Variants in CPA6 observed in about 807,000 individuals in gnomAD.
The protein encoded by CPA6 is carboxypeptidase B.
Under a neutral mutation model 63.3 loss-of-function variants are expected in CPA6, and 58 were observed. That is an observed-to-expected ratio of 0.92 (90% CI 0.74 to 1.14). CPA6 has a LOEUF of 1.14. Ranked by LOEUF, CPA6 falls within the 50% of genes most tolerant of loss-of-function variation. The pLI, the probability that CPA6 is intolerant of heterozygous loss-of-function variation, is 0.00. For synonymous variants in CPA6, 185 were observed against 179.0 expected (o/e 1.03, Z -0.27); for missense variants, 565 against 526.6 (o/e 1.07, Z -0.71).
intron 2 of CPA6, among the ~76,000 whole-genome samples, chr8:67,537,161 T>C (rs1812603007): frequency 6.6e-6 from 1 of 152,204 alleles, no homozygotes; most frequent in Admixed American, 6.5e-5. Flanking sequence ...ATTTTCTTTT[T>C]TTGTTGTGAC....
intron 8 of CPA6, among the ~76,000 whole-genome samples, chr8:67,483,110 C>T (rs1417186889): frequency 3.3e-5 from 5 of 152,178 alleles, no homozygotes; most frequent in Admixed American, 6.5e-5. Flanking sequence ...CAGCTCCTAA[C>T]GACTGCATTT....
chr8:67,505,753 T>C (rs972002296), intron 6 of CPA6, among the ~76,000 whole-genome samples: 2 of 152,218 alleles, frequency 1.3e-5, no homozygotes, highest in South Asian at 2.1e-4. Context: ...AGAGATATTT[T>C]GTAAATTTAG....
intron 1 of CPA6, among the ~76,000 whole-genome samples, chr8:67,738,154 CT>C (rs1181628211): frequency 6.6e-6 from 1 of 152,160 alleles, no homozygotes; most frequent in Non-Finnish European, 1.5e-5. Flanking sequence ...AGAGTAACCA[CT>C]CAGAGAGAGA....
At chr8:67,472,412 C>CTTATTTTATTTTATTTTATT (rs76537277) in intron 8 of CPA6, among the ~76,000 whole-genome samples, 26 of 57,766 alleles carry the variant, frequency 4.5e-4, no homozygotes, top group African/African-American at 3.5e-3. Flanking sequence ...TTTATCTTAT[C>CTTATTTTATTTTATTTTATT]TTATTTTATT....
chr8:67,656,616 G>T (rs913773173), intron 1 of CPA6, among the ~76,000 whole-genome samples: 1 of 152,166 alleles, frequency 6.6e-6, no homozygotes, highest in Admixed American at 6.5e-5. Flanking sequence ...TCAAGGCTTG[G>T]CTCAGTCTTT....
intron 1 of CPA6, among the ~76,000 whole-genome samples, chr8:67,706,945 A>G (rs934349949): frequency 1.3e-5 from 2 of 152,122 alleles, no homozygotes; most frequent in Non-Finnish European, 2.9e-5. Flanking sequence ...TTTATGCAAA[A>G]TTCTTATAAT....
chr8:67,569,311 G>C (rs766912725), intron 2 of CPA6: 1 of 174,200 alleles, frequency 5.7e-6, no homozygotes, highest in South Asian at 1.4e-4. Flanking sequence ...CCAGGAGACA[G>C]TAGGATAACA....
At chr8:67,500,608 T>C (rs950304048) in intron 6 of CPA6, among the ~76,000 whole-genome samples, 6 of 152,084 alleles carry the variant, frequency 3.9e-5, no homozygotes, top group African/African-American at 1.2e-4. Context: ...GAACGCTTTG[T>C]CTTGGTTTTA....
rs1812117480 is a variant in CPA6 at position 67,515,155 on chromosome 8, C to A, written c.317+2768G>T. On this transcript the variant is annotated intron_variant, in intron 3 of 10. Transcript: ENST00000297770. ...TGTGCCAGTTTTGACAGTACAACAA[C>A]CTGCTAAAAAGTTTGGGTAGTTGGA... is the stretch of plus-strand genomic sequence containing the variant. Among the ~76,000 whole-genome samples the A allele has an allele frequency of 3.3e-5, 5 of 152,272 alleles. No individual in the cohort carries two copies. The South Asian group carries it at 1.0e-3, about 32-fold the overall frequency.
At chr8:67,499,745 A>G (rs1370838284) in intron 6 of CPA6, among the ~76,000 whole-genome samples, 1 of 152,216 alleles carries the variant, frequency 6.6e-6, no homozygotes, top group African/African-American at 2.4e-5. Flanking sequence ...GAAATAATAC[A>G]ATAGGCATTT....
chr8:67,612,638 T>C (rs1359361851), intron 2 of CPA6, among the ~76,000 whole-genome samples: 1 of 152,226 alleles, frequency 6.6e-6, no homozygotes, highest in Non-Finnish European at 1.5e-5. Context: ...AGAGATGTAT[T>C]TGTGGGACCA....
chr8:67,479,594 G>T (rs1230924784), intron 8 of CPA6, among the ~76,000 whole-genome samples: 1 of 152,198 alleles, frequency 6.6e-6, no homozygotes, highest in African/African-American at 2.4e-5. Flanking sequence ...TGTGGTGGTG[G>T]TTGTGAAATG....
intron 1 of CPA6, among the ~76,000 whole-genome samples, chr8:67,660,587 C>T (rs1001896914): frequency 2.1e-5 from 3 of 145,412 alleles, no homozygotes; most frequent in Admixed American, 7.0e-5. Context: ...GATGTGCCTG[C>T]CTTAGGCTCC....
At chr8:67,705,379 T>A (rs1232367219) in intron 1 of CPA6, among the ~76,000 whole-genome samples, 1 of 152,152 alleles carries the variant, frequency 6.6e-6, no homozygotes, top group Admixed American at 6.5e-5. Context: ...AAATTATAAA[T>A]TTCCCTTTGG....
chr8:67,623,903 C>T (rs7841796), intron 2 of CPA6, among the ~76,000 whole-genome samples: 17 of 151,758 alleles, frequency 1.1e-4, no homozygotes, highest in Non-Finnish European at 1.8e-4. Flanking sequence ...ACTAAGAGGC[C>T]GGAGAATTGC....
chr8:67,555,194 T>C (rs1372040146), intron 2 of CPA6, among the ~76,000 whole-genome samples: 2 of 152,164 alleles, frequency 1.3e-5, no homozygotes, highest in African/African-American at 2.4e-5. Flanking sequence ...CTCTTAGAGT[T>C]GGGGAGGACC....
rs547157288 is a variant in CPA6 at position 67,583,772 on chromosome 8, T to C, written c.192+40404A>G. 3.9e-5 allele frequency among the ~76,000 whole-genome samples: 6 copies of C among 152,158 alleles called. No individual in the cohort carries two copies. The East Asian group carries it at 1.2e-3, about 29-fold the overall frequency. On this transcript the variant is annotated intron_variant, in intron 2 of 10. Coordinates refer to ENST00000297770, the MANE Select transcript of CPA6 (RefSeq NM_020361.5). ...AGAGGTTATTTTTGTTCATAGTAAT[T>C]AGAGTTGTGAAGCAAAGTTGTCCTA...
At chr8:67,507,041 T>C (rs1186509675) in intron 5 of CPA6, among the ~76,000 whole-genome samples, 153 bp from the exon 6 acceptor site, 2 of 152,184 alleles carry the variant, frequency 1.3e-5, no homozygotes, top group African/African-American at 4.8e-5. Flanking sequence ...ATCTCGAAAG[T>C]CCAGGCTTCT....
intron 6 of CPA6, among the ~76,000 whole-genome samples, chr8:67,497,886 T>G (rs1368705972): frequency 4.6e-5 from 7 of 152,260 alleles, no homozygotes; most frequent in African/African-American, 1.7e-4. Flanking sequence ...GAGAAGGGGT[T>G]TTGCCATGTT....
Sources: gnomAD v4.1 joint callset for allele counts (sites outside exome capture counted in the v4.1 genomes callset) on GRCh38, gnomAD v4.1.1 for gene constraint, MANE v1.5 for transcripts, NCBI Gene and HGNC (gene_info 2026-07-23, HGNC 2026-07-21) for gene names.